Variants in RARB observed in about 807,000 individuals in gnomAD.
RARB encodes HBV-activated protein.
Under a neutral mutation model 51.9 loss-of-function variants are expected in RARB, and 17 were observed. The observed-to-expected ratio is 0.33, with a 90% CI of 0.22 to 0.49. The LOEUF (loss-of-function observed/expected upper bound fraction) is 0.49. Ranked by LOEUF, RARB falls within the 20% of genes least tolerant of loss-of-function variation. The probability of loss-of-function intolerance (pLI) is 0.99; values close to 1 mark genes in which losing one functional copy is unlikely to be tolerated. For synonymous variants in RARB, 215 were observed against 195.4 expected (o/e 1.10, Z -0.84); for missense variants, 369 against 550.8 (o/e 0.67, Z 3.30).
At chr3:25,177,286 G>A (rs1700773845) in intron 5 of RARB, among the ~76,000 whole-genome samples, 1 of 152,192 alleles carries the variant, frequency 6.6e-6, no homozygotes, top group Non-Finnish European at 1.5e-5. Flanking sequence ...ATTAACCACA[G>A]ACTTGGCTAA....
intron 1 of RARB, among the ~76,000 whole-genome samples, chr3:25,460,076 A>G (rs1051764841): frequency 6.6e-6 from 1 of 152,182 alleles, no homozygotes; most frequent in Admixed American, 6.5e-5. Flanking sequence ...TTAATCTAGA[A>G]TAAAGAGTAA....
chr3:25,435,313 G>A (rs114786935), intron 1 of RARB, among the ~76,000 whole-genome samples: 8,340 of 152,226 alleles, frequency 0.055, 324 homozygotes, highest in Middle Eastern at 0.092. Flanking sequence ...TGAGTGCATC[G>A]GTTAACTAGG....
chr3:24,901,975 C>T (rs2125372201), intron 2 of RARB, among the ~76,000 whole-genome samples: 1 of 151,194 alleles, frequency 6.6e-6, no homozygotes, highest in South Asian at 2.1e-4. Context: ...TTGCACCAAC[C>T]TAATATAGCA....
rs147597714 is a variant in RARB at position 25,573,989 on chromosome 3, G to C, written c.609+4071G>C. Among the ~76,000 whole-genome samples the C allele has an allele frequency of 3.4e-3, 517 of 152,282 alleles. 1 individual carries two copies. The highest frequency in any genetic ancestry group is 6.8e-3 in the Middle Eastern group (2 of 294). On this transcript the variant is annotated intron_variant, in intron 4 of 7. Coordinates refer to ENST00000330688, the MANE Select transcript of RARB (RefSeq NM_000965.5). ...AGGGCACTCACCCACAATCTTCAGA[G>C]CTAGTATCCCTGGGAAGGTTTCTAC...
intron 3 of RARB, among the ~76,000 whole-genome samples, chr3:25,111,047 G>C (rs1005363995): frequency 2.0e-5 from 3 of 152,158 alleles, no homozygotes; most frequent in Admixed American, 6.5e-5. Context: ...CCAGCCTCTT[G>C]AGTCTTTCTA....
At chr3:25,416,682 T>C (rs1707713000) in intron 5 of RARB, among the ~76,000 whole-genome samples, 1 of 152,234 alleles carries the variant, frequency 6.6e-6, no homozygotes, top group African/African-American at 2.4e-5. Context: ...GTGCAATTGC[T>C]GTGCTCCAAT....
At chr3:24,900,325 G>C (rs1575061765) in intron 2 of RARB, among the ~76,000 whole-genome samples, 1 of 152,212 alleles carries the variant, frequency 6.6e-6, no homozygotes, top group Non-Finnish European at 1.5e-5. Context: ...TTTGTGGAAT[G>C]AAAGAGAGAG....
intron 3 of RARB, among the ~76,000 whole-genome samples, chr3:25,536,757 CTT>C (rs1699158592): frequency 6.6e-6 from 1 of 152,030 alleles, no homozygotes; most frequent in African/African-American, 2.4e-5. Flanking sequence ...CTCTCAGAAA[CTT>C]ATCACTGGGA....
At chr3:25,340,056 T>C (rs1038126630) in intron 5 of RARB, among the ~76,000 whole-genome samples, 13 of 152,124 alleles carry the variant, frequency 8.5e-5, no homozygotes, top group African/African-American at 3.1e-4. Flanking sequence ...CTACTAGCTA[T>C]TGGTACAGAG....
intron 5 of RARB, among the ~76,000 whole-genome samples, chr3:25,287,793 T>C (rs1261563367): frequency 6.6e-6 from 1 of 152,132 alleles, no homozygotes; most frequent in Non-Finnish European, 1.5e-5. Flanking sequence ...AGGATCCAAA[T>C]AGACATCTTG....
At chr3:25,322,837 T>C (rs892838760) in intron 5 of RARB, among the ~76,000 whole-genome samples, 10 of 152,192 alleles carry the variant, frequency 6.6e-5, no homozygotes, top group Non-Finnish European at 1.3e-4. Flanking sequence ...AAATCCCTGC[T>C]CTAAATAGTT....
rs189889666 is a variant in RARB, at chr3:24,994,564, A to G, written c.-379-65561A>G. Among the ~76,000 whole-genome samples, 3 of 152,098 alleles carry G rather than the reference A, an allele frequency of 2.0e-5. No homozygotes were observed. The East Asian group carries it at 5.8e-4, about 29-fold the overall frequency. ...CTTTTCAGGTCTTACTCATAAAATC[A>G]TTTCCCAGACTAATGTCCTGAAGTG... On this transcript the variant is annotated intron_variant, in intron 2 of 11. Coordinates refer to the RARB transcript ENST00000383772.
At chr3:24,994,650 T>A (rs74972630) in intron 2 of RARB, among the ~76,000 whole-genome samples, 4 of 151,964 alleles carry the variant, frequency 2.6e-5, no homozygotes, top group Non-Finnish European at 5.9e-5. Flanking sequence ...AGGTATTTGG[T>A]CTATTGTGAG....
intron 2 of RARB, among the ~76,000 whole-genome samples, chr3:24,998,277 G>GT (rs71622792): frequency 0.42 from 59,243 of 140,352 alleles, 13,390 homozygotes; most frequent in East Asian, 0.6. Context: ...CTTGTAGTTT[G>GT]TTTTTTTTTT....
chr3:25,001,127 G>A lies in RARB; in HGVS notation c.-379-58998G>A, dbSNP rs545631538. On this transcript the variant is annotated intron_variant, in intron 2 of 11. Coordinates refer to the RARB transcript ENST00000383772. ...AATGTGTGAGGATGGAGGGAGGGAG[G>A]GAAGGAGTTGAATAAGGGACAAATT... 4.6e-5 allele frequency among the ~76,000 whole-genome samples: 7 copies of A among 151,918 alleles called. No homozygotes were observed. In the East Asian group the frequency reaches 1.2e-3, roughly 25 times the overall value.
chr3:25,329,446 C>T (rs1001951347), intron 5 of RARB, among the ~76,000 whole-genome samples: 2 of 152,170 alleles, frequency 1.3e-5, no homozygotes, highest in African/African-American at 4.8e-5. Flanking sequence ...GCTGAGGGTC[C>T]TGACTTTTAG....
intron 2 of RARB, among the ~76,000 whole-genome samples, chr3:24,940,489 T>TA (rs1464866813): frequency 6.6e-6 from 1 of 152,196 alleles, no homozygotes; most frequent in Non-Finnish European, 1.5e-5. Context: ...ATTTTAGTTT[T>TA]AAAAATAGTC....
chr3:25,574,910 T>C (rs1700863480), intron 4 of RARB, among the ~76,000 whole-genome samples: 1 of 152,064 alleles, frequency 6.6e-6, no homozygotes, highest in African/African-American at 2.4e-5. Context: ...AGAAGGTCAG[T>C]GGGGGCCACG....
chr3:25,579,314 A>C (rs1256571577), intron 4 of RARB, among the ~76,000 whole-genome samples: 1 of 152,234 alleles, frequency 6.6e-6, no homozygotes, highest in Non-Finnish European at 1.5e-5. Context: ...ACTCCAGTCA[A>C]GATGTAGAAT....
Sources: allele counts gnomAD v4.1 joint callset (sites outside exome capture counted in the v4.1 genomes callset), GRCh38; gene constraint gnomAD v4.1.1; transcripts MANE v1.5; gene names NCBI Gene and HGNC (gene_info 2026-07-23, HGNC 2026-07-21).